IMPG2: variants seen among roughly 807,000 people sequenced by gnomAD.
IMPG2 encodes the protein IPM 200.
In IMPG2, 91 loss-of-function variants were observed where a neutral mutation model predicts 129.2. That is an observed-to-expected ratio of 0.70 (90% CI 0.59 to 0.84). The LOEUF is 0.84. Ranked by LOEUF, IMPG2 falls within the 40% of genes least tolerant of loss-of-function variation. IMPG2 has a pLI of 0.00. For missense variants in IMPG2, 1,430 were observed against 1,461.7 expected, an observed-to-expected ratio of 0.98 and a Z score of 0.35; for synonymous variants, 510 against 517.7, an observed-to-expected ratio of 0.99 and a Z score of 0.20.
At chr3:101,269,733 T>A (rs568479202) in intron 7 of IMPG2, among the ~76,000 whole-genome samples, 160 bp from the exon 8 acceptor site, 30 of 151,994 alleles carry the variant, frequency 2.0e-4, no homozygotes, top group Middle Eastern at 6.8e-3. Context: ...AAAGAAAAAA[T>A]TTTACCTAAA....
chr3:101,307,866 C>G (rs941957819), intron 2 of IMPG2, among the ~76,000 whole-genome samples: 1 of 152,302 alleles, frequency 6.6e-6, no homozygotes, highest in African/African-American at 2.4e-5. Context: ...TGAGACAAGG[C>G]AAGTCCCTTC....
chr3:101,284,855 CTTTT>C (rs557951495), intron 4 of IMPG2, among the ~76,000 whole-genome samples: 3 of 151,758 alleles, frequency 2.0e-5, no homozygotes, highest in Non-Finnish European at 4.4e-5. Flanking sequence ...ATAATTTAAC[CTTTT>C]TTTTAAAGAA....
rs923015236 is a variant in IMPG2 at position 101,222,637 on chromosome 3, T to C, written c.*4332A>G. ...TTATTCATAAAGACTTTAAAATGTTTATTTCTAATTATCCAATAATAAGAC... is the reference window on the plus strand; with the variant it reads ...TTATTCATAAAGACTTTAAAATGTTCATTTCTAATTATCCAATAATAAGAC... On this transcript the variant is annotated 3_prime_UTR_variant, in exon 19 of 19. Transcript: ENST00000193391. 11 of 152,242 alleles carry C rather than the reference T, an allele frequency of 7.2e-5. No homozygotes were observed. Among genetic ancestry groups the C allele is most frequent in the African/African-American group, 2.7e-4 (11 of 41,462 alleles). 9.4% of individuals were successfully genotyped at this position (152,242 alleles called of 1,614,324 possible).
At chr3:101,229,318 C>A in intron 17 of IMPG2, 62 bp downstream of exon 17, 1 of 1,136,282 alleles carries the variant, frequency 8.8e-7, no homozygotes, top group Admixed American at 1.8e-5. Flanking sequence ...CCACCACCCC[C>A]TGCTCCCCCA....
Position 101,257,635 on chromosome 3 carries a change from A to G in IMPG2, c.1047T>C (p.Tyr349=), listed in dbSNP as rs1210683152. Residue 349 remains tyrosine (Y), a synonymous_variant, in exon 10 of 19, where the codon TAT becomes TAC. Coordinates refer to ENST00000193391, the MANE Select transcript of IMPG2 (RefSeq NM_016247.4). ...TATAATCTCTGAAGTTACTGATTGT[A>G]TAAACAACAGTGGGTTTATCATCCA... ...VELDDKPTVV[Y]TISNFRDYIA... 1 of 1,613,488 alleles carries G rather than the reference A, an allele frequency of 6.2e-7. No individual in the cohort carries two copies. The highest frequency in any genetic ancestry group is 8.5e-7 in the Non-Finnish European group (1 of 1,179,598).
rs1706474175 is a variant in IMPG2, at chr3:101,246,064, G to A, written c.1281C>T (p.Ser427=). ...CAAGTGGTGGAATACTGCTGGTGAT[G>A]GATTCATCTGCTGAGGGCCATGCAG... ...FQAAWPSADE[S]ITSSIPPLDF... The change falls in exon 12 of 19, where the codon TCC becomes TCT. Residue 427 remains serine, a synonymous_variant. Transcript: ENST00000193391. The A allele has an allele frequency of 6.2e-7, 1 of 1,614,066 alleles. No individual in the cohort carries two copies. The highest frequency in any genetic ancestry group is 8.5e-7 in the Non-Finnish European group (1 of 1,179,990).
At chr3:101,279,274 C>T (rs185075896) in intron 4 of IMPG2, among the ~76,000 whole-genome samples, 2 of 152,266 alleles carry the variant, frequency 1.3e-5, no homozygotes, top group East Asian at 3.9e-4. Flanking sequence ...AGAAGGAGAT[C>T]CTATGATCCC....
chr3:101,307,447 G>A (rs879789898), intron 2 of IMPG2, among the ~76,000 whole-genome samples: 1 of 152,172 alleles, frequency 6.6e-6, no homozygotes. Flanking sequence ...TTCCACATGG[G>A]TGGGGAGGCC....
chr3:101,272,762 A>T (rs1706799699), intron 7 of IMPG2, among the ~76,000 whole-genome samples: 1 of 152,132 alleles, frequency 6.6e-6, no homozygotes, highest in Admixed American at 6.5e-5. Flanking sequence ...GCACATTTTT[A>T]TTTCTCATCT....
chr3:101,286,309 TC>T (rs1706945350), intron 4 of IMPG2, among the ~76,000 whole-genome samples: 1 of 152,206 alleles, frequency 6.6e-6, no homozygotes, highest in Non-Finnish European at 1.5e-5. Context: ...AATATCATTG[TC>T]CATTCTTGTG....
chr3:101,236,674 T>C (rs115873557), intron 14 of IMPG2, among the ~76,000 whole-genome samples: 2,830 of 152,220 alleles, frequency 0.019, 84 homozygotes, highest in African/African-American at 0.065. Flanking sequence ...AGCCCAGATA[T>C]TATGCTTTTC....
chr3:101,233,923 C>T (rs1367350455), intron 14 of IMPG2, among the ~76,000 whole-genome samples: 1 of 151,944 alleles, frequency 6.6e-6, no homozygotes, highest in African/African-American at 2.4e-5. Context: ...ATGGAAGGAT[C>T]TACATACATA....
chr3:101,250,680 G>T (rs1706534028), intron 11 of IMPG2, among the ~76,000 whole-genome samples: 1 of 152,144 alleles, frequency 6.6e-6, no homozygotes, highest in African/African-American at 2.4e-5. Context: ...GTGATAAAAG[G>T]ATTTTCAGAG....
chr3:101,273,803 TATTG>T (rs1706813239), intron 6 of IMPG2, 61 bp from the exon 7 acceptor site: 2 of 1,470,896 alleles, frequency 1.4e-6, no homozygotes, highest in Non-Finnish European at 1.9e-6. Flanking sequence ...AACAAACATT[TATTG>T]ATTGTTTCAA....
At chr3:101,269,652 A>C (rs1706758424) in intron 7 of IMPG2, 79 bp from the exon 8 acceptor site, 2 of 865,576 alleles carry the variant, frequency 2.3e-6, no homozygotes, top group South Asian at 2.9e-5. Flanking sequence ...TTAAGAGTAG[A>C]ATAAAAAGTG....
At chr3:101,284,742 A>G (rs1367040417) in intron 4 of IMPG2, among the ~76,000 whole-genome samples, 1 of 152,190 alleles carries the variant, frequency 6.6e-6, no homozygotes, top group Non-Finnish European at 1.5e-5. Context: ...TGCACTTCCA[A>G]TGCCATCTGC....
Position 101,242,880 on chromosome 3 carries a change from T to C in IMPG2, c.2830A>G (p.Thr944Ala), listed in dbSNP as rs772830348. The C allele has an allele frequency of 6.2e-7, 1 of 1,612,774 alleles. No individual in the cohort carries two copies. The highest frequency in any genetic ancestry group is 8.5e-7 in the Non-Finnish European group (1 of 1,178,860). Residue 944 changes from threonine (T) to alanine (A), a missense_variant, in exon 14 of 19, where the codon ACG becomes GCG. Thr to Ala is a moderately conservative substitution (Grantham distance 58). Transcript: ENST00000193391. ...LLVPYLQSNL[T>A]GFQNLEILNF... is the part of the protein sequence containing the mutation. ...AGGATTTCTAAGTTCTGGAACCCCGTGAGATTTGACTGGAGATAGGGAACC... is the reference window on the plus strand; with the variant it reads ...AGGATTTCTAAGTTCTGGAACCCCGCGAGATTTGACTGGAGATAGGGAACC...
At chr3:101,253,872 T>C in intron 10 of IMPG2, 91 bp from the exon 11 acceptor site, 1 of 881,592 alleles carries the variant, frequency 1.1e-6, no homozygotes, top group Non-Finnish European at 1.8e-6. Context: ...TTCTTTCTCT[T>C]CATTGTTTAG....
intron 14 of IMPG2, among the ~76,000 whole-genome samples, chr3:101,240,473 T>G (rs889701613): frequency 1.3e-5 from 2 of 152,222 alleles, no homozygotes; most frequent in Admixed American, 1.3e-4. Flanking sequence ...TTATAAATCA[T>G]AACTGTTTGC....
Sources: allele counts gnomAD v4.1 joint callset (sites outside exome capture counted in the v4.1 genomes callset), GRCh38; gene constraint gnomAD v4.1.1; transcripts MANE v1.5; gene names NCBI Gene and HGNC (gene_info 2026-07-23, HGNC 2026-07-21).